UBAP1L: variants seen among roughly 807,000 people sequenced by gnomAD.
UBAP1L encodes the protein ubiquitin-associated protein 1-like.
In UBAP1L, 32 loss-of-function variants were observed where a neutral mutation model predicts 32.1. The observed-to-expected ratio is 1.00, with a 90% CI of 0.75 to 1.34. UBAP1L has a LOEUF of 1.34. UBAP1L is among the 40% of genes most tolerant of loss of function. UBAP1L has a pLI of 0.00. For synonymous variants in UBAP1L, 243 were observed against 250.2 expected (o/e 0.97, Z 0.27); for missense variants, 516 against 540.5 (o/e 0.95, Z 0.45).
Position 65,102,335 on chromosome 15 carries a change from C to A in UBAP1L, c.470G>T (p.Gly157Val). The A allele has an allele frequency of 6.9e-7, 1 of 1,459,042 alleles. No individual in the cohort carries two copies. Among genetic ancestry groups the A allele is most frequent in the Admixed American group, 2.6e-5 (1 of 38,158 alleles). 90.4% of individuals were successfully genotyped at this position (1,459,042 alleles called of 1,614,324 possible). A position where few individuals can be genotyped will look rare whatever the true frequency, so the allele number is the denominator to read the frequency against. ...CCCCTCGGAGAGCCGCCGCCGCGCC[C>A]CTGCCAGCTCCAACCGCACGCCGCG... is the stretch of plus-strand genomic sequence containing the variant. ...VLRGVRLELA[G>V]ARRRLSEGKL... The change falls in exon 3 of 6, where the codon GGG (glycine) becomes GTG (valine). Residue 157 changes from glycine (G) to valine (V), a missense_variant. By Grantham distance (109) the Gly-to-Val change is moderately radical (BLOSUM62 -3). Coordinates refer to ENST00000559089, the MANE Select transcript of UBAP1L (RefSeq NM_001163692.2). The surrounding 1 kb of genome is among the most constrained non-coding windows in gnomAD (Gnocchi z 5.0).
At chr15:65,109,495 A>AC (rs2087353879) in intron 1 of UBAP1L, among the ~76,000 whole-genome samples, 1 of 151,172 alleles carries the variant, frequency 6.6e-6, no homozygotes, top group South Asian at 2.1e-4. Flanking sequence ...AAAAAAAAAA[A>AC]AAAAAAAAAA....
chr15:65,112,257 G>T (rs2140572602), intron 1 of UBAP1L, among the ~76,000 whole-genome samples: 1 of 152,308 alleles, frequency 6.6e-6, no homozygotes, highest in Admixed American at 6.5e-5. Context: ...GATGGTCTGT[G>T]CTGGGAAGCA....
At chr15:65,098,566 CTATG>C (rs2140560043) in intron 4 of UBAP1L, 1 of 152,258 alleles carries the variant, frequency 6.6e-6, no homozygotes, top group East Asian at 1.9e-4. Flanking sequence ...GTGGAAGTGA[CTATG>C]TACAATTTCA....
intron 4 of UBAP1L, 39 bp downstream of exon 4, chr15:65,099,466 C>G: frequency 6.5e-7 from 1 of 1,539,736 alleles, no homozygotes; most frequent in South Asian, 1.2e-5. Context: ...CACCTGGCTC[C>G]AGCATCACAG....
intron 4 of UBAP1L, chr15:65,097,389 G>A (rs2087187389): frequency 1.3e-5 from 2 of 152,306 alleles, no homozygotes. Flanking sequence ...TCCGAAGGTA[G>A]GCGTGACTTT....
intron 1 of UBAP1L, among the ~76,000 whole-genome samples, chr15:65,107,880 C>T (rs1034951862): frequency 3.3e-5 from 5 of 151,914 alleles, no homozygotes; most frequent in African/African-American, 1.2e-4. Context: ...GAGGAACATA[C>T]CACGTTCAAG....
At chr15:65,099,768 T>C (rs1190452360) in intron 3 of UBAP1L, 54 bp from the exon 4 acceptor site, 1 of 1,464,060 alleles carries the variant, frequency 6.8e-7, no homozygotes, top group African/African-American at 1.4e-5. Flanking sequence ...GACACTCAGT[T>C]GGGCTGGACA....
intron 2 of UBAP1L, among the ~76,000 whole-genome samples, chr15:65,104,287 A>G (rs1595921536): frequency 6.6e-6 from 1 of 152,056 alleles, no homozygotes; most frequent in Non-Finnish European, 1.5e-5. Flanking sequence ...AAAGAAAAGA[A>G]AAGAGAGAGA....
At chr15:65,099,916 G>A (rs924489210) in intron 3 of UBAP1L, 4 of 514,474 alleles carry the variant, frequency 7.8e-6, no homozygotes, top group Non-Finnish European at 1.4e-5. Flanking sequence ...CAATCCCTAA[G>A]CTACTTCACG....
intron 1 of UBAP1L, among the ~76,000 whole-genome samples, chr15:65,109,544 C>CAAAAACA (rs1334502719): frequency 8.3e-6 from 1 of 120,096 alleles, no homozygotes; most frequent in Non-Finnish European, 1.8e-5. Flanking sequence ...AGAGTTAAAA[C>CAAAAACA]AAAAACAAAA....
Position 65,108,795 on chromosome 15 carries a change from C to CACA in UBAP1L, c.-173-2410_-173-2408dup, listed in dbSNP as rs570733822. Among the ~76,000 whole-genome samples, 30 of 151,052 alleles carry CACA rather than the reference C, an allele frequency of 2.0e-4. No homozygotes were observed. In the East Asian group the frequency reaches 5.6e-3, roughly 28 times the overall value. On this transcript the variant is annotated intron_variant, in intron 1 of 5. Coordinates refer to ENST00000559089, the MANE Select transcript of UBAP1L (RefSeq NM_001163692.2). ...AATAAATAAATTAAATTTAAAAAAA[C>CACA]ACAACAACAACAACTCCAAAAGAGA... is the stretch of plus-strand genomic sequence containing the variant.
intron 1 of UBAP1L, among the ~76,000 whole-genome samples, chr15:65,108,751 T>TAAAAA (rs2087344378): frequency 2.6e-5 from 2 of 77,964 alleles, no homozygotes; most frequent in Admixed American, 3.5e-4. Context: ...AGACACTGTC[T>TAAAAA]CAAATAAATA....
chr15:65,111,280 GATTT>G (rs1413163163), intron 1 of UBAP1L, among the ~76,000 whole-genome samples: 1 of 152,166 alleles, frequency 6.6e-6, no homozygotes, highest in Non-Finnish European at 1.5e-5. Flanking sequence ...GGCATTCTCA[GATTT>G]ATTATTCACA....
chr15:65,103,959 T>C (rs1023398852), intron 2 of UBAP1L, among the ~76,000 whole-genome samples: 1 of 152,060 alleles, frequency 6.6e-6, no homozygotes, highest in Non-Finnish European at 1.5e-5. Flanking sequence ...AAACTTCATA[T>C]AAAAACAAAT....
intron 1 of UBAP1L, among the ~76,000 whole-genome samples, chr15:65,112,710 G>A (rs949879240): frequency 2.6e-5 from 4 of 152,124 alleles, no homozygotes; most frequent in Non-Finnish European, 4.4e-5. Context: ...AAACACAACT[G>A]CCTACACAGT....
At chr15:65,097,062 AC>A (rs2087182708) in intron 4 of UBAP1L, 1 of 152,150 alleles carries the variant, frequency 6.6e-6, no homozygotes, top group African/African-American at 2.4e-5. Flanking sequence ...CCTCAGACCC[AC>A]CCCGTGGGGC....
At chr15:65,109,871 G>T (rs1016342734) in intron 1 of UBAP1L, among the ~76,000 whole-genome samples, 3 of 152,186 alleles carry the variant, frequency 2.0e-5, no homozygotes, top group Non-Finnish European at 4.4e-5. Context: ...TTCACTGTTG[G>T]TCAGAAAGTC....
intron 1 of UBAP1L, among the ~76,000 whole-genome samples, chr15:65,106,964 C>G (rs1014609460): frequency 6.6e-6 from 1 of 151,982 alleles, no homozygotes; most frequent in Non-Finnish European, 1.5e-5. Context: ...ACCTTGATAC[C>G]AAACTTGATA....
Position 65,102,227 on chromosome 15 carries a change from G to C in UBAP1L, c.578C>G (p.Ser193Cys), listed in dbSNP as rs1176793062. ...ALSLCPSPAQ[S>C]PRSASPPGPA... Reference sequence around the variant, plus strand: ...CCCCGGGGGTGATGCAGACCTGGGGGACTGCGCAGGGCTCGGGCACAGGCT... The same window carrying C: ...CCCCGGGGGTGATGCAGACCTGGGGCACTGCGCAGGGCTCGGGCACAGGCT... The change falls in exon 3 of 6, where the codon TCC becomes TGC. Residue 193 changes from serine to cysteine, a missense_variant. Transcript: ENST00000559089. The surrounding 1 kb of genome is among the most constrained non-coding windows in gnomAD (Gnocchi z 5.0). The C allele has an allele frequency of 2.4e-6, 3 of 1,239,992 alleles. No individual in the cohort carries two copies. The highest frequency in any genetic ancestry group is 3.2e-5 in the African/African-American group (2 of 62,854). The allele number at this position is 1,239,992 out of a possible 1,614,324, so 76.8% of individuals were successfully genotyped here.
Sources: allele counts gnomAD v4.1 joint callset (sites outside exome capture counted in the v4.1 genomes callset), GRCh38; gene constraint gnomAD v4.1.1; non-coding constraint Gnocchi (gnomAD v3.1); transcripts MANE v1.5; gene names NCBI Gene and HGNC (gene_info 2026-07-23, HGNC 2026-07-21).